RAB31: variants seen among roughly 807,000 people sequenced by gnomAD.
The protein encoded by RAB31 is RAB31, member RAS oncogene family.
A neutral mutation model predicts 25.6 loss-of-function variants in RAB31; 21 were observed. That is an observed-to-expected ratio of 0.82 (90% CI 0.58 to 1.18). The LOEUF is 1.18. RAB31 is among the 50% of genes most tolerant of loss of function. The probability of loss-of-function intolerance (pLI) is 0.00; values close to 1 mark genes in which losing one functional copy is unlikely to be tolerated. For synonymous variants in RAB31, 87 were observed against 84.0 expected (o/e 1.04, Z -0.20); for missense variants, 196 against 250.1 (o/e 0.78, Z 1.46).
At chr18:9,717,396 C>T (rs1386797085) in intron 1 of RAB31, among the ~76,000 whole-genome samples, 4 of 152,148 alleles carry the variant, frequency 2.6e-5, no homozygotes, top group Non-Finnish European at 5.9e-5. Flanking sequence ...CCCAGAGGTG[C>T]CTAGGAGACT....
chr18:9,718,516 C>T, intron 1 of RAB31, among the ~76,000 whole-genome samples: 1 of 152,202 alleles, frequency 6.6e-6, no homozygotes, highest in East Asian at 1.9e-4. Flanking sequence ...GCCTCGGCCT[C>T]CCAAAGTGCT....
chr18:9,789,441 C>T (rs1199550169), intron 2 of RAB31, among the ~76,000 whole-genome samples: 3 of 152,140 alleles, frequency 2.0e-5, no homozygotes, highest in Non-Finnish European at 4.4e-5. Context: ...TGCCAATTAC[C>T]CTGATTTGAT....
chr18:9,828,837 A>G (rs2068662979), intron 5 of RAB31, among the ~76,000 whole-genome samples: 1 of 152,216 alleles, frequency 6.6e-6, no homozygotes, highest in South Asian at 2.1e-4. Flanking sequence ...AGGCCTGAAA[A>G]ATCATGGCAA....
chr18:9,809,723 A>T (rs1366387114), intron 3 of RAB31, among the ~76,000 whole-genome samples: 1 of 152,234 alleles, frequency 6.6e-6, no homozygotes, highest in East Asian at 1.9e-4. Context: ...AGACATTGAG[A>T]TTGCTTACAG....
At chr18:9,773,739 C>T (rs919172211) in intron 1 of RAB31, among the ~76,000 whole-genome samples, 3 of 152,116 alleles carry the variant, frequency 2.0e-5, no homozygotes, top group African/African-American at 7.2e-5. Flanking sequence ...GCTCACTGCA[C>T]CCTTGAATTC....
At chr18:9,817,087 G>A (rs2284145) in intron 5 of RAB31, among the ~76,000 whole-genome samples, 2,754 of 151,798 alleles carry the variant, frequency 0.018, 89 homozygotes, top group African/African-American at 0.063. Context: ...ATCTCCCTTC[G>A]TTACTGTAAT....
chr18:9,732,716 G>A (rs768998838), intron 1 of RAB31, among the ~76,000 whole-genome samples: 2 of 152,202 alleles, frequency 1.3e-5, no homozygotes, highest in Non-Finnish European at 2.9e-5. Context: ...GAATCAGCTG[G>A]TTGGCGCTGA....
intron 1 of RAB31, among the ~76,000 whole-genome samples, chr18:9,719,742 T>G (rs1235810502): frequency 6.6e-6 from 1 of 152,194 alleles, no homozygotes. Context: ...TTAATTTATT[T>G]TCTTATTCTC....
chr18:9,852,511 TC>T (rs1219761599), intron 6 of RAB31, among the ~76,000 whole-genome samples: 2 of 152,192 alleles, frequency 1.3e-5, no homozygotes, highest in African/African-American at 4.8e-5. Context: ...TTTCTTTTTT[TC>T]CCCTTATGCA....
intron 5 of RAB31, among the ~76,000 whole-genome samples, chr18:9,838,525 C>G (rs943104186): frequency 2.0e-5 from 3 of 152,232 alleles, no homozygotes; most frequent in Non-Finnish European, 4.4e-5. Context: ...TACCTGTCTT[C>G]TATTCCCCCA....
intron 2 of RAB31, among the ~76,000 whole-genome samples, chr18:9,783,050 T>TTTCTGTCC (rs1482317464): frequency 2.0e-5 from 3 of 152,134 alleles, no homozygotes; most frequent in Non-Finnish European, 4.4e-5. Flanking sequence ...ACTGAGAGTC[T>TTTCTGTCC]TTCTCCTAGT....
chr18:9,807,183 C>T (rs557077642), intron 3 of RAB31, among the ~76,000 whole-genome samples: 2 of 152,296 alleles, frequency 1.3e-5, no homozygotes, highest in East Asian at 3.9e-4. Flanking sequence ...GCTCTAGGCA[C>T]ATGGGGGTAA....
intron 5 of RAB31, among the ~76,000 whole-genome samples, chr18:9,829,179 T>C (rs1159883239): frequency 6.6e-6 from 1 of 152,210 alleles, no homozygotes; most frequent in East Asian, 1.9e-4. Flanking sequence ...TCCCCAATCG[T>C]ATCCTCTTCT....
rs560603852 is a variant in RAB31 at position 9,708,613 on chromosome 18, C to G, written c.39+169C>G. Among the ~76,000 whole-genome samples the G allele has an allele frequency of 6.6e-6, 1 of 151,408 alleles. No homozygotes were observed. Among genetic ancestry groups the G allele is most frequent in the Admixed American group, 6.6e-5 (1 of 15,246 alleles). ...CCCCTGGTTCCCCGGGTCCCCCTGG[C>G]TCCCCTAGTCCGTGCGCCCCTCGCT... On this transcript the variant is annotated intron_variant, in intron 1 of 6. Transcript: ENST00000578921. This position sits in a 1 kb window ranked among gnomAD's most constrained non-coding sequence, Gnocchi z 6.4.
At chr18:9,805,794 G>A (rs2068537500) in intron 3 of RAB31, among the ~76,000 whole-genome samples, 1 of 152,202 alleles carries the variant, frequency 6.6e-6, no homozygotes, top group African/African-American at 2.4e-5. Flanking sequence ...CTGAAGCAAC[G>A]TTTCATTTCA....
Position 9,708,629 on chromosome 18 carries a change from GCCCC to G in RAB31, c.39+186_39+189del, listed in dbSNP as rs2067998937. Among the ~76,000 whole-genome samples, 1 of 148,214 alleles carries G rather than the reference GCCCC, an allele frequency of 6.7e-6. No individual in the cohort carries two copies. Among genetic ancestry groups the G allele is most frequent in the Non-Finnish European group, 1.5e-5 (1 of 66,702 alleles). On this transcript the variant is annotated intron_variant, in intron 1 of 6. Coordinates refer to ENST00000578921, the MANE Select transcript of RAB31 (RefSeq NM_006868.4). This position sits in a 1 kb window ranked among gnomAD's most constrained non-coding sequence, Gnocchi z 6.4. ...TCCCCCTGGCTCCCCTAGTCCGTGC[GCCCC>G]TCGCTCTCCGCGCCCCTCGCTCTCC... is the stretch of plus-strand genomic sequence containing the variant.
chr18:9,823,469 T>C (rs2068633704), intron 5 of RAB31, among the ~76,000 whole-genome samples: 1 of 152,164 alleles, frequency 6.6e-6, no homozygotes, highest in Non-Finnish European at 1.5e-5. Flanking sequence ...ATGTCCTCTT[T>C]GTGATATTAT....
chr18:9,758,829 C>G lies in RAB31; in HGVS notation c.40-16449C>G, dbSNP rs111414745. ...GTCTATCTCCCCATGAGGACAAAAG[C>G]AAGGGTGACTACAAAAATGACCACC... On this transcript the variant is annotated intron_variant, in intron 1 of 6. Transcript: ENST00000578921. Among the ~76,000 whole-genome samples, 5 of 152,134 alleles carry G rather than the reference C, an allele frequency of 3.3e-5. 1 individual carries two copies. The highest frequency in any genetic ancestry group is 1.2e-4 in the African/African-American group (5 of 41,518).
intron 2 of RAB31, among the ~76,000 whole-genome samples, chr18:9,783,993 G>A (rs2068418875): frequency 1.3e-5 from 2 of 152,174 alleles, no homozygotes. Context: ...AGCAAAAGTG[G>A]AGTGTATCTA....
Sources: allele counts gnomAD v4.1 joint callset (sites outside exome capture counted in the v4.1 genomes callset), GRCh38; gene constraint gnomAD v4.1.1; non-coding constraint Gnocchi (gnomAD v3.1); transcripts MANE v1.5; gene names NCBI Gene and HGNC (gene_info 2026-07-23, HGNC 2026-07-21).